STK32B: variants seen among roughly 807,000 people sequenced by gnomAD.
The protein encoded by STK32B is serine/threonine kinase 32B, also known as serine/threonine-protein kinase 32B.
Under a neutral mutation model 52.6 loss-of-function variants are expected in STK32B, and 43 were observed. That is an observed-to-expected ratio of 0.82 (90% CI 0.64 to 1.05). The LOEUF (loss-of-function observed/expected upper bound fraction) is 1.05. Among genes scored for constraint, STK32B ranks in the 50% least tolerant of loss-of-function variants. The pLI, the probability that STK32B is intolerant of heterozygous loss-of-function variation, is 0.00. For missense variants in STK32B, 621 were observed against 534.6 expected (o/e 1.16, Z -1.59); for synonymous variants, 238 against 204.3 (o/e 1.17, Z -1.41).
intron 3 of STK32B, among the ~76,000 whole-genome samples, chr4:5,254,853 G>C (rs770054309): frequency 3.9e-5 from 6 of 152,004 alleles, no homozygotes; most frequent in African/African-American, 1.5e-4. Context: ...TAAAGGATGA[G>C]ACTCATGAAA....
intron 4 of STK32B, among the ~76,000 whole-genome samples, chr4:5,375,893 A>G (rs1180724251): frequency 6.6e-6 from 1 of 152,134 alleles, no homozygotes; most frequent in Admixed American, 6.5e-5. Context: ...GCAGGGAAGG[A>G]AGTAGGGGTT....
intron 3 of STK32B, among the ~76,000 whole-genome samples, chr4:5,240,251 G>T (rs1724929156): frequency 6.6e-6 from 1 of 151,510 alleles, no homozygotes; most frequent in African/African-American, 2.4e-5. Flanking sequence ...TACCACACAT[G>T]TTAAACCAAT....
rs114141991 is a variant in STK32B at position 5,433,490 on chromosome 4, A to G, written c.563-13183A>G. On this transcript the variant is annotated intron_variant, in intron 6 of 11. Transcript: ENST00000282908. ...GACATGGTCTTGCCTTGAAGAAAGT[A>G]TCAGTGGGTAGGAGACTTGGGTTCT... is the stretch of plus-strand genomic sequence containing the variant. Among the ~76,000 whole-genome samples the G allele has an allele frequency of 4.8e-3, 728 of 152,282 alleles. 7 individuals are homozygous for G. The highest frequency in any genetic ancestry group is 0.016 in the African/African-American group (664 of 41,558).
intron 7 of STK32B, among the ~76,000 whole-genome samples, chr4:5,449,350 A>G (rs377739566): frequency 6.6e-6 from 1 of 152,288 alleles, no homozygotes; most frequent in African/African-American, 2.4e-5. Context: ...GTCTCACATA[A>G]AAAGGTTATA....
At chr4:5,119,672 C>T (rs1189169420) in intron 1 of STK32B, among the ~76,000 whole-genome samples, 1 of 152,188 alleles carries the variant, frequency 6.6e-6, no homozygotes, top group Non-Finnish European at 1.5e-5. Flanking sequence ...TTTCTTCCTT[C>T]TGCTTCTTAA....
intron 1 of STK32B, among the ~76,000 whole-genome samples, chr4:5,054,674 TA>T (rs530165908): frequency 6.8e-4 from 103 of 152,298 alleles, no homozygotes; most frequent in African/African-American, 2.5e-3. Flanking sequence ...TGAAGGGTTT[TA>T]AGCAGGGAGT....
intron 8 of STK32B, among the ~76,000 whole-genome samples, chr4:5,458,189 G>C (rs941020652): frequency 2.6e-5 from 4 of 152,260 alleles, no homozygotes; most frequent in South Asian, 2.1e-4. Flanking sequence ...AGGTGGTTCT[G>C]GTGTGCACTC....
rs195129 is a variant in STK32B at position 5,395,128 on chromosome 4, G to A, written c.435-3079G>A. On this transcript the variant is annotated intron_variant, in intron 4 of 11. Transcript: ENST00000282908. This position sits in a 1 kb window ranked among gnomAD's most constrained non-coding sequence, Gnocchi z 4.4. ...GGCCAGCGGTCACTCTTCCTCCCAG[G>A]GACAGCTACATTCCCCACCGTGTGG... Among the ~76,000 whole-genome samples the A allele has an allele frequency of 0.65, 98,856 of 151,940 alleles. 35,193 individuals carry two copies. Among genetic ancestry groups the A allele is most frequent in the Non-Finnish European group, 0.8 (54,349 of 67,964 alleles).
Position 5,470,424 on chromosome 4 carries a change from G to T in STK32B, c.1106+2354G>T, listed in dbSNP as rs537532662. Reference sequence around the variant, plus strand: ...TCCTGACAATGGGGAGCCACAGAGAGCATGGCTATGGGGGAAGCTGTTGGC... The same window carrying T: ...TCCTGACAATGGGGAGCCACAGAGATCATGGCTATGGGGGAAGCTGTTGGC... On this transcript the variant is annotated intron_variant, in intron 11 of 11. Coordinates refer to ENST00000282908, the MANE Select transcript of STK32B (RefSeq NM_018401.3). This position sits in a 1 kb window ranked among gnomAD's most constrained non-coding sequence, Gnocchi z 4.6. Among the ~76,000 whole-genome samples the T allele has an allele frequency of 2.6e-5, 4 of 152,192 alleles. No individual in the cohort carries two copies. In the South Asian group the frequency reaches 6.2e-4, roughly 24 times the overall value.
chr4:5,214,172 C>T (rs898982327), intron 3 of STK32B: 4 of 152,122 alleles, frequency 2.6e-5, no homozygotes, highest in African/African-American at 4.8e-5. Flanking sequence ...TTGCTATTCT[C>T]ATGATAGTGA....
intron 3 of STK32B, among the ~76,000 whole-genome samples, chr4:5,223,501 G>T (rs1192167557): frequency 6.6e-6 from 1 of 152,126 alleles, no homozygotes; most frequent in Non-Finnish European, 1.5e-5. Flanking sequence ...ATGTATAGAA[G>T]GGGGACAGGG....
chr4:5,353,059 A>G (rs1262396450), intron 4 of STK32B, among the ~76,000 whole-genome samples: 4 of 152,182 alleles, frequency 2.6e-5, no homozygotes, highest in African/African-American at 4.8e-5. Context: ...GAAAATAGAC[A>G]CATAGATCAA....
chr4:5,259,860 T>G, intron 3 of STK32B, among the ~76,000 whole-genome samples: 1 of 152,042 alleles, frequency 6.6e-6, no homozygotes, highest in East Asian at 1.9e-4. Flanking sequence ...GTTTGGAGCT[T>G]ATAATCCTGC....
At chr4:5,189,936 A>G (rs1229372218) in intron 3 of STK32B, among the ~76,000 whole-genome samples, 1 of 152,092 alleles carries the variant, frequency 6.6e-6, no homozygotes, top group African/African-American at 2.4e-5. Context: ...ATTCAGAACC[A>G]TGGCTGGCAT....
rs769507072 is a variant in STK32B at position 5,168,411 on chromosome 4, T to G, written c.221T>G (p.Ile74Ser). The G allele has an allele frequency of 1.9e-6, 3 of 1,613,794 alleles. No individual in the cohort carries two copies. In the African/African-American group the frequency reaches 4.0e-5, roughly 22 times the overall value. ...EVRNVFRELQ[I>S]MQGLEHPFLV... ...CGGAATGTTTTCCGGGAGCTGCAGA[T>G]CATGCAAGGGCTGGAGCACCCCTTC... The change falls in exon 3 of 12, where the codon ATC becomes AGC. Residue 74 changes from isoleucine (I) to serine (S), a missense_variant. Transcript: ENST00000282908.
rs573707805 is a variant in STK32B, at chr4:5,134,266, G to A, written c.53-5639G>A. On this transcript the variant is annotated intron_variant, in intron 1 of 11. Transcript: ENST00000282908. ...GAAACTAAATTTCTAATGAAACAGT[G>A]TTGAGAGGAGAGGCCTAATAAAAGG... 8.5e-5 allele frequency among the ~76,000 whole-genome samples: 13 copies of A among 152,336 alleles called. No homozygotes were observed. In the South Asian group the frequency reaches 2.7e-3, roughly 32 times the overall value.
At chr4:5,030,232 C>T in the STK32B span, among the ~76,000 whole-genome samples, 1 of 152,164 alleles carries the variant, frequency 6.6e-6, no homozygotes, top group East Asian at 1.9e-4. Context: ...CGAGGTTATT[C>T]ACTGAGGTTG....
the STK32B span, among the ~76,000 whole-genome samples, chr4:5,037,953 A>G: frequency 6.6e-6 from 1 of 152,054 alleles, no homozygotes; most frequent in East Asian, 1.9e-4. Context: ...AGGGGGAGGG[A>G]GTGTGTGTTA....
At chr4:5,194,126 C>A (rs891564957) in intron 3 of STK32B, among the ~76,000 whole-genome samples, 1 of 152,132 alleles carries the variant, frequency 6.6e-6, no homozygotes, top group South Asian at 2.1e-4. Flanking sequence ...CAGCACAGCC[C>A]CTTTTCATCT....
Sources: gnomAD v4.1 joint callset for allele counts (sites outside exome capture counted in the v4.1 genomes callset) on GRCh38, gnomAD v4.1.1 for gene constraint, Gnocchi (gnomAD v3.1) non-coding constraint, MANE v1.5 for transcripts, NCBI Gene and HGNC (gene_info 2026-07-23, HGNC 2026-07-21) for gene names.